The following KCNQ2 variants were observed in gnomAD, a reference collection of about 807,000 sequenced individuals.
The protein encoded by KCNQ2 is potassium voltage-gated channel subfamily Q member 2.
In KCNQ2, 14 loss-of-function variants were observed where a neutral mutation model predicts 84.8. The ratio of observed to expected loss-of-function variants is 0.17; its 90% confidence interval spans 0.11 to 0.26. The LOEUF is 0.26. KCNQ2 is among the 10% of genes least tolerant of loss of function. The pLI is 1.00. For synonymous variants in KCNQ2, 599 were observed against 554.1 expected (o/e 1.08, Z -1.14); for missense variants, 788 against 1,254.0 (o/e 0.63, Z 5.61).
intron 8 of KCNQ2, among the ~76,000 whole-genome samples, chr20:63,433,143 C>T (rs2080881597): frequency 1.3e-5 from 2 of 152,226 alleles, no homozygotes; most frequent in Non-Finnish European, 2.9e-5. Context: ...CTGCCACCTG[C>T]CCTTTTGTAA....
At chr20:63,412,995 C>T (rs1024172852) in intron 15 of KCNQ2, among the ~76,000 whole-genome samples, 3 of 152,180 alleles carry the variant, frequency 2.0e-5, no homozygotes, top group African/African-American at 4.8e-5. Flanking sequence ...GTGGGGCCCA[C>T]GGGAACCCTG....
chr20:63,410,034 TC>T, intron 15 of KCNQ2: 1 of 279,012 alleles, frequency 3.6e-6, no homozygotes. Flanking sequence ...AGAGAGGGTT[TC>T]AGGCTCGCGT....
intron 11 of KCNQ2, among the ~76,000 whole-genome samples, chr20:63,421,382 G>T (rs1371327217): frequency 2.0e-5 from 3 of 152,204 alleles, no homozygotes; most frequent in Non-Finnish European, 4.4e-5. Flanking sequence ...TGGTCTGAGA[G>T]CCGGGGAGAG....
rs1387169805 is a variant in KCNQ2 at position 63,460,674 on chromosome 20, T to C, written c.296+11494A>G. Among the ~76,000 whole-genome samples the C allele has an allele frequency of 1.3e-5, 2 of 152,118 alleles. No homozygotes were observed. On this transcript the variant is annotated intron_variant, in intron 1 of 16. Coordinates refer to ENST00000359125, the MANE Select transcript of KCNQ2 (RefSeq NM_172107.4). This position sits in a 1 kb window ranked among gnomAD's most constrained non-coding sequence, Gnocchi z 5.4. Reference sequence around the variant, plus strand: ...CCTGGGCCAGCCTGCGTCCTCCCTCTCCCCTCACCAGCCTTCCTGGCCAGG... The same window carrying C: ...CCTGGGCCAGCCTGCGTCCTCCCTCCCCCCTCACCAGCCTTCCTGGCCAGG...
intron 9 of KCNQ2, among the ~76,000 whole-genome samples, chr20:63,428,943 T>C (rs562731021): frequency 1.3e-5 from 2 of 152,168 alleles, no homozygotes; most frequent in Non-Finnish European, 2.9e-5. Context: ...CTGGAGTCTA[T>C]AGGATGAGCC....
Position 63,408,616 on chromosome 20 carries a change from C to T in KCNQ2, c.1764-80G>A. 1.3e-6 allele frequency: 2 copies of T among 1,568,326 alleles called. No individual in the cohort carries two copies. Among genetic ancestry groups the T allele is most frequent in the Non-Finnish European group, 1.7e-6 (2 of 1,160,892 alleles). ...TGCCCTCTCCTCCTGGACCAGGCCA[C>T]AGTGCCCCTGGGTCTAGGCTGCAGG... On this transcript the variant is annotated intron_variant, in intron 15 of 16. Coordinates refer to ENST00000359125, the MANE Select transcript of KCNQ2 (RefSeq NM_172107.4). This position sits in a 1 kb window ranked among gnomAD's most constrained non-coding sequence, Gnocchi z 5.0.
Position 63,452,629 on chromosome 20 carries a change from C to T in KCNQ2, c.297-5792G>A, listed in dbSNP as rs80320367. 2.6e-5 allele frequency among the ~76,000 whole-genome samples: 4 copies of T among 152,382 alleles called. No individual in the cohort carries two copies. The East Asian group carries it at 7.7e-4, about 29-fold the overall frequency. ...TGGGAGAGGACACAGGGGCCTCGGC[C>T]AGAGGCCTGGGACTGCAGCAGGAAC... On this transcript the variant is annotated intron_variant, in intron 1 of 16. Transcript: ENST00000359125.
rs751850621 is a variant in KCNQ2, at chr20:63,444,647, G to T, written c.690+12C>A. The T allele has an allele frequency of 6.5e-7, 1 of 1,541,442 alleles. No individual in the cohort carries two copies. The highest frequency in any genetic ancestry group is 1.9e-5 in the Admixed American group (1 of 52,152). ...GGGGGCGCCCACCGCCAGCCTTGGG[G>T]CCGTGACTCACCTTGCTGTGGGCAT... On this transcript the variant is annotated intron_variant, in intron 4 of 16. Coordinates refer to ENST00000359125, the MANE Select transcript of KCNQ2 (RefSeq NM_172107.4).
intron 12 of KCNQ2, among the ~76,000 whole-genome samples, chr20:63,417,871 C>A (rs1029215072): frequency 6.6e-6 from 1 of 152,214 alleles, no homozygotes; most frequent in South Asian, 2.1e-4. Context: ...GCCCCAGGGG[C>A]CGCCGGGACG....
At chr20:63,457,933 C>T (rs753025784) in intron 1 of KCNQ2, among the ~76,000 whole-genome samples, 2 of 152,188 alleles carry the variant, frequency 1.3e-5, no homozygotes, top group Non-Finnish European at 2.9e-5. Context: ...CGCCTGCTCA[C>T]GGTCCCTGGA....
intron 8 of KCNQ2, 69 bp from the exon 9 acceptor site, chr20:63,431,438 A>C (rs2080784945): frequency 6.5e-7 from 1 of 1,533,004 alleles, no homozygotes; most frequent in Admixed American, 1.7e-5. Flanking sequence ...GATAAGAAAA[A>C]GAAAATGAAA....
chr20:63,439,394 G>A (rs966501880), intron 6 of KCNQ2, among the ~76,000 whole-genome samples: 1 of 152,194 alleles, frequency 6.6e-6, no homozygotes, highest in Admixed American at 6.5e-5. Flanking sequence ...TCCTGTCGGG[G>A]CTGGGGAACC....
At chr20:63,410,616 C>G (rs1433493040) in intron 15 of KCNQ2, among the ~76,000 whole-genome samples, 1 of 152,178 alleles carries the variant, frequency 6.6e-6, no homozygotes, top group African/African-American at 2.4e-5. Context: ...CGGGGCTACC[C>G]TGGGTTGGGC....
In KCNQ2 at chr20:63,438,401, C is replaced by G. The variant is rs937098591; in HGVS notation, c.1023+224G>C. The G allele has an allele frequency of 1.6e-6, 1 of 612,838 alleles. No homozygotes were observed. The highest frequency in any genetic ancestry group is 3.0e-6 in the Non-Finnish European group (1 of 338,722). The allele number at this position is 612,838 out of a possible 1,614,324, so 38.0% of individuals were successfully genotyped here. The stretch of plus-strand genomic sequence containing the variant: ...AGCACCCACACAAGGCAAGGGCCAC[C>G]CCAGCGTCCTCACACGAGCCACCCC... On this transcript the variant is annotated intron_variant, in intron 7 of 16. Coordinates refer to ENST00000359125, the MANE Select transcript of KCNQ2 (RefSeq NM_172107.4). The surrounding 1 kb of genome is among the most constrained non-coding windows in gnomAD (Gnocchi z 5.1).
chr20:63,453,362 A>T (rs889908017), intron 1 of KCNQ2, among the ~76,000 whole-genome samples: 2 of 152,264 alleles, frequency 1.3e-5, no homozygotes, highest in African/African-American at 4.8e-5. Flanking sequence ...CAGGCAGACA[A>T]ACCATACGCA....
At chr20:63,454,823 G>A (rs1470896714) in intron 1 of KCNQ2, among the ~76,000 whole-genome samples, 1 of 152,230 alleles carries the variant, frequency 6.6e-6, no homozygotes, top group African/African-American at 2.4e-5. Flanking sequence ...CTGCCCATGT[G>A]GCCTCAGGGT....
intron 15 of KCNQ2, among the ~76,000 whole-genome samples, chr20:63,409,024 G>A (rs762044108): frequency 3.3e-5 from 5 of 152,204 alleles, no homozygotes; most frequent in African/African-American, 7.2e-5. Flanking sequence ...CACTGAAGCC[G>A]TCGGCCCCAC....
chr20:63,420,687 C>T (rs34659510), intron 11 of KCNQ2, among the ~76,000 whole-genome samples: 14,685 of 152,222 alleles, frequency 0.096, 880 homozygotes, highest in Non-Finnish European at 0.14. Context: ...GCTCCAGTCA[C>T]GGCAGCACTC....
At chr20:63,456,160 A>G (rs7509536) in intron 1 of KCNQ2, among the ~76,000 whole-genome samples, 383 of 69,682 alleles carry the variant, frequency 5.5e-3, no homozygotes, top group Middle Eastern at 0.023. Flanking sequence ...CCTCCGGGAG[A>G]CCCCTCTGCT....
Sources: allele counts gnomAD v4.1 joint callset (sites outside exome capture counted in the v4.1 genomes callset), GRCh38; gene constraint gnomAD v4.1.1; non-coding constraint Gnocchi (gnomAD v3.1); transcripts MANE v1.5; gene names NCBI Gene and HGNC (gene_info 2026-07-23, HGNC 2026-07-21).